Variants in PTDSS2 observed in about 807,000 individuals in gnomAD.
The protein encoded by PTDSS2 is PSS-2.
In PTDSS2, 41 loss-of-function variants were observed where a neutral mutation model predicts 64.7. The observed-to-expected ratio is 0.63, with a 90% confidence interval of 0.49 to 0.82. The LOEUF (loss-of-function observed/expected upper bound fraction) is 0.82, where lower values mean the gene tolerates loss of function less well. PTDSS2 is among the 40% of genes least tolerant of loss of function. The pLI is 0.00. For missense variants in PTDSS2, 485 were observed against 650.0 expected (o/e 0.75, Z 2.76); for synonymous variants, 297 against 277.8 (o/e 1.07, Z -0.69).
At chr11:450,135 A>C (rs905586244), upstream of PTDSS2, 3 of 262,176 alleles carry the variant, frequency 1.1e-5, no homozygotes, top group Non-Finnish European at 2.2e-5. Context: ...CGCCATCCGC[A>C]GCTTGGTTCC....
chr11:478,868 T>C lies in PTDSS2; in HGVS notation c.368-217T>C, dbSNP rs1157226624. 3.9e-5 allele frequency among the ~76,000 whole-genome samples: 6 copies of C among 152,088 alleles called. No individual in the cohort carries two copies. In the East Asian group the frequency reaches 1.2e-3, roughly 29 times the overall value. On this transcript the variant is annotated intron_variant, in intron 3 of 11. Transcript: ENST00000308020. ...ACAATTTATGGGCAAAAGATTTGAG[T>C]ACTGGAATGGAAAAAATGAAGAAAA...
rs193040616 is a variant in PTDSS2, at chr11:470,326, C to A, written c.285-3569C>A. On this transcript the variant is annotated intron_variant, in intron 2 of 11. Transcript: ENST00000308020. This position sits in a 1 kb window ranked among gnomAD's most constrained non-coding sequence, Gnocchi z 5.3. ...CAGCCCGGCCATGCAGAGGCATAGT[C>A]GACCATCTCACTAAGGAACATTCCA... is the stretch of plus-strand genomic sequence containing the variant. 6.6e-6 allele frequency among the ~76,000 whole-genome samples: 1 copy of A among 152,202 alleles called. No homozygotes were observed. Among genetic ancestry groups the A allele is most frequent in the Non-Finnish European group, 1.5e-5 (1 of 68,038 alleles).
intron 4 of PTDSS2, among the ~76,000 whole-genome samples, chr11:482,552 G>A (rs960072413): frequency 2.6e-5 from 4 of 152,124 alleles, no homozygotes; most frequent in Admixed American, 1.3e-4. Context: ...GAGCTCAAGC[G>A]GTCTGACCCC....
chr11:489,511 G>A lies in PTDSS2; in HGVS notation c.966G>A (p.Leu322=). The change falls in exon 9 of 12, where the codon CTG becomes CTA. Residue 322 remains leucine, a synonymous_variant. Coordinates refer to ENST00000308020, the MANE Select transcript of PTDSS2 (RefSeq NM_030783.3). The part of the protein sequence containing the change: ...RRWLAVCGII[L]VFLLAELNTF... Reference sequence around the variant, plus strand: ...GGCTGGCCGTGTGCGGCATCATCCTGGTGGTAAGGCCGGGCTGCCTCGCGA... The same window carrying A: ...GGCTGGCCGTGTGCGGCATCATCCTAGTGGTAAGGCCGGGCTGCCTCGCGA... The A allele has an allele frequency of 1.2e-6, 2 of 1,612,854 alleles. No individual in the cohort carries two copies. The highest frequency in any genetic ancestry group is 1.7e-6 in the Non-Finnish European group (2 of 1,179,508).
chr11:488,132 C>A, intron 6 of PTDSS2, 67 bp from the exon 7 acceptor site: 2 of 1,208,884 alleles, frequency 1.7e-6, no homozygotes, highest in Non-Finnish European at 2.4e-6. Context: ...GTGGGGGCTG[C>A]ACGCACCCGT....
At chr11:466,164 A>G (rs1847130910) in intron 2 of PTDSS2, among the ~76,000 whole-genome samples, 1 of 152,188 alleles carries the variant, frequency 6.6e-6, no homozygotes. Flanking sequence ...GCTTGAGGCC[A>G]AGAATTCCAG....
In PTDSS2 at chr11:475,186, G is replaced by A. The variant is rs71452602; in HGVS notation, c.367+1209G>A. Among the ~76,000 whole-genome samples the A allele has an allele frequency of 2.9e-4, 23 of 80,670 alleles. No homozygotes were observed. In the South Asian group the frequency reaches 3.8e-3, roughly 13 times the overall value. The allele number at this position is 80,670 out of a possible 152,430, so 52.9% of individuals were successfully genotyped here. On this transcript the variant is annotated intron_variant, in intron 3 of 11. Coordinates refer to ENST00000308020, the MANE Select transcript of PTDSS2 (RefSeq NM_030783.3). ...GCGTTTGTGATACGGACATATTCACGCGTTTATGATATGGACATAATCACG... is the reference window on the plus strand; with the variant it reads ...GCGTTTGTGATACGGACATATTCACACGTTTATGATATGGACATAATCACG...
intron 4 of PTDSS2, among the ~76,000 whole-genome samples, chr11:484,327 C>T (rs1848200578): frequency 6.6e-6 from 1 of 152,234 alleles, no homozygotes. Flanking sequence ...CTCCTGTCCA[C>T]TCCCCACCCT....
intron 2 of PTDSS2, among the ~76,000 whole-genome samples, chr11:469,882 G>A (rs776554814): frequency 6.6e-6 from 1 of 152,170 alleles, no homozygotes; most frequent in East Asian, 1.9e-4. Context: ...CCACAGTCAC[G>A]GGATTGCGTC....
In PTDSS2 at chr11:489,997, C is replaced by G; in HGVS notation, c.1230C>G (p.Phe410Leu). 1 of 1,612,302 alleles carries G rather than the reference C, an allele frequency of 6.2e-7. No homozygotes were observed. Among genetic ancestry groups the G allele is most frequent in the South Asian group, 1.1e-5 (1 of 91,088 alleles). ...DPHTLTLSLP[F>L]YISQCWTLGS... The stretch of plus-strand genomic sequence containing the variant: ...ACACGCTCACCCTGTCCCTGCCCTT[C>G]TACATCTCCCAGTGCTGGACCCTCG... The change falls in exon 11 of 12, where the codon TTC becomes TTG. Residue 410 changes from phenylalanine (F) to leucine (L), a missense_variant. Physicochemically the swap from Phe to Leu is conservative, Grantham distance 22. Coordinates refer to ENST00000308020, the MANE Select transcript of PTDSS2 (RefSeq NM_030783.3).
At chr11:452,787 G>A (rs1280641743) in intron 1 of PTDSS2, among the ~76,000 whole-genome samples, 1 of 152,222 alleles carries the variant, frequency 6.6e-6, no homozygotes, top group Non-Finnish European at 1.5e-5. Context: ...TACCTGCAGA[G>A]CCTCACACTG....
intron 3 of PTDSS2, among the ~76,000 whole-genome samples, chr11:478,729 T>C (rs1339304489): frequency 6.6e-6 from 1 of 151,556 alleles, no homozygotes; most frequent in Non-Finnish European, 1.5e-5. Flanking sequence ...GGCGACAGAC[T>C]CCATCTAAAA....
At chr11:451,064 C>A (rs117968881) in intron 1 of PTDSS2, among the ~76,000 whole-genome samples, 73 of 152,350 alleles carry the variant, frequency 4.8e-4, no homozygotes, top group Middle Eastern at 6.8e-3. Context: ...GTGGTTGCTC[C>A]TCAGTGCTTG....
chr11:485,898 G>A (rs1848347642), intron 4 of PTDSS2, among the ~76,000 whole-genome samples: 1 of 32,076 alleles, frequency 3.1e-5, no homozygotes, highest in Admixed American at 3.6e-4. Context: ...GCAGGCGAGC[G>A]TAAACAGTGC....
At chr11:466,401 CTTTT>C (rs1226254389) in intron 2 of PTDSS2, among the ~76,000 whole-genome samples, 3 of 120,796 alleles carry the variant, frequency 2.5e-5, no homozygotes, top group Admixed American at 9.0e-5. Context: ...AACTGCCACT[CTTTT>C]TTTTTTTTTT....
Position 490,417 on chromosome 11 carries a change from C to T in PTDSS2, c.1302-3C>T. On this transcript the variant is annotated splice_polypyrimidine_tract_variant and splice_region_variant and intron_variant, in intron 11 of 11. Coordinates refer to ENST00000308020, the MANE Select transcript of PTDSS2 (RefSeq NM_030783.3). ...GGTGGTGACGCTGCATCCCGCTCCC[C>T]AGGGACATCACATTGAGGTACAAGG... 6.2e-7 allele frequency: 1 copy of T among 1,613,224 alleles called. No individual in the cohort carries two copies. The highest frequency in any genetic ancestry group is 1.7e-5 in the Admixed American group (1 of 60,030).
chr11:489,213 C>A (rs1209664058), intron 8 of PTDSS2, 187 bp from the exon 9 acceptor site: 1 of 608,198 alleles, frequency 1.6e-6, no homozygotes, highest in Non-Finnish European at 2.9e-6. Context: ...AACAGCCGGG[C>A]AGCAGCTGGG....
chr11:477,415 G>A (rs921041567), intron 3 of PTDSS2, among the ~76,000 whole-genome samples: 1 of 152,160 alleles, frequency 6.6e-6, no homozygotes, highest in African/African-American at 2.4e-5. Context: ...GGCCTGGGGG[G>A]TGGCCCTGGG....
At chr11:481,875 T>C (rs1246834261) in intron 4 of PTDSS2, among the ~76,000 whole-genome samples, 1 of 151,648 alleles carries the variant, frequency 6.6e-6, no homozygotes, top group Non-Finnish European at 1.5e-5. Context: ...TGAGTTTTGC[T>C]CTTGTTGCCC....
Sources: allele counts gnomAD v4.1 joint callset (sites outside exome capture counted in the v4.1 genomes callset), GRCh38; gene constraint gnomAD v4.1.1; non-coding constraint Gnocchi (gnomAD v3.1); transcripts MANE v1.5; gene names NCBI Gene and HGNC (gene_info 2026-07-23, HGNC 2026-07-21).